EXOC5: variants seen among roughly 807,000 people sequenced by gnomAD.
EXOC5 encodes the protein SEC10-like 1.
A neutral mutation model predicts 90.8 loss-of-function variants in EXOC5; 17 were observed. The ratio of observed to expected loss-of-function variants is 0.19; its 90% CI spans 0.13 to 0.28. The LOEUF is 0.28. Ranked by LOEUF, EXOC5 falls within the 10% of genes least tolerant of loss-of-function variation. The probability of loss-of-function intolerance (pLI) is 1.00; values close to 1 mark genes in which losing one functional copy is unlikely to be tolerated. For synonymous variants in EXOC5, 260 were observed against 270.0 expected (o/e 0.96, Z 0.36); for missense variants, 569 against 830.6 (o/e 0.69, Z 3.87).
At chr14:57,223,680 T>A (rs1285985434) in intron 12 of EXOC5, among the ~76,000 whole-genome samples, 1 of 152,066 alleles carries the variant, frequency 6.6e-6, no homozygotes, top group African/African-American at 2.4e-5. Flanking sequence ...GGAAAATTGG[T>A]AAGGATATAG....
At chr14:57,234,108 T>C (rs1391062960) in intron 7 of EXOC5, 76 bp from the exon 8 acceptor site, 2 of 1,145,072 alleles carry the variant, frequency 1.7e-6, no homozygotes, top group Non-Finnish European at 2.6e-6. Flanking sequence ...AAGTGTTATA[T>C]GTCATAAAGC....
intron 7 of EXOC5, among the ~76,000 whole-genome samples, chr14:57,234,289 T>C (rs564051834): frequency 1.3e-5 from 2 of 151,952 alleles, no homozygotes; most frequent in African/African-American, 4.8e-5. Context: ...ACAAGAAAGA[T>C]GAAGTATGTA....
intron 6 of EXOC5, among the ~76,000 whole-genome samples, chr14:57,237,077 CACAT>C (rs1228655788): frequency 6.6e-6 from 1 of 151,902 alleles, no homozygotes; most frequent in Non-Finnish European, 1.5e-5. Context: ...TCTATACATA[CACAT>C]ACATATGTAC....
Position 57,246,775 on chromosome 14 carries a change from T to C in EXOC5, c.206A>G (p.Gln69Arg), listed in dbSNP as rs765911167. The change falls in exon 3 of 18, where the codon CAA (glutamine) becomes CGA (arginine). Residue 69 changes from glutamine (Q) to arginine (R), a missense_variant. Physicochemically the swap from Gln to Arg is conservative, Grantham distance 43 (BLOSUM62 1). Transcript: ENST00000621441. ...RIQRKVEKLE[Q>R]QCQKEAKEFA... ...TTCCTTGGCTTCTTTCTGACATTGT[T>C]GCTCTAGTTTCTCTACTTTCCTCTG... is the stretch of plus-strand genomic sequence containing the variant. 6.2e-7 allele frequency: 1 copy of C among 1,610,250 alleles called. No homozygotes were observed. Among genetic ancestry groups the C allele is most frequent in the Non-Finnish European group, 8.5e-7 (1 of 1,178,524 alleles).
intron 12 of EXOC5, among the ~76,000 whole-genome samples, chr14:57,227,643 C>T (rs919309692): frequency 6.6e-6 from 1 of 152,148 alleles, no homozygotes; most frequent in Admixed American, 6.5e-5. Context: ...CTTAATTTAT[C>T]CCAACCTAAT....
chr14:57,246,417 A>G (rs1340420556), intron 3 of EXOC5, among the ~76,000 whole-genome samples: 1 of 152,206 alleles, frequency 6.6e-6, no homozygotes, highest in Non-Finnish European at 1.5e-5. Flanking sequence ...GGGTCTACTG[A>G]AGTGTCATTC....
chr14:57,252,528 C>T (rs1486802655), intron 1 of EXOC5, among the ~76,000 whole-genome samples: 2 of 151,884 alleles, frequency 1.3e-5, no homozygotes, highest in African/African-American at 2.4e-5. Context: ...AACAAGTATA[C>T]GAAAAAATGC....
intron 3 of EXOC5, among the ~76,000 whole-genome samples, chr14:57,246,059 A>G (rs61535023): frequency 0.023 from 3,422 of 151,742 alleles, 127 homozygotes; most frequent in African/African-American, 0.075. Context: ...TAAAAAAAAA[A>G]GGGGGGAATC....
At position 57,222,425 on chromosome 14, in the gene EXOC5, C is replaced by CA. The variant is rs1942267816; in HGVS notation, c.1297-10dup. 1 of 1,503,512 alleles carries CA rather than the reference C, an allele frequency of 6.7e-7. No homozygotes were observed. The highest frequency in any genetic ancestry group is 1.2e-5 in the South Asian group (1 of 82,854). 93.1% of individuals were successfully genotyped at this position (1,503,512 alleles called of 1,614,324 possible). ...TCAGAAGGATCAGAGAGCTTAAAAA[C>CA]AAAAATCAAACAATATCACTCCTCA... On this transcript the variant is annotated splice_polypyrimidine_tract_variant and intron_variant, in intron 12 of 17. Coordinates refer to ENST00000621441, the MANE Select transcript of EXOC5 (RefSeq NM_006544.4).
Position 57,217,524 on chromosome 14 carries a change from T to A in EXOC5, c.1613+458A>T, listed in dbSNP as rs958799728. The stretch of plus-strand genomic sequence containing the variant: ...CTATTTTAATTGTTTTGGGGTACCA[T>A]ACCCATATAAGACAGTGAACCTAAT... On this transcript the variant is annotated intron_variant, in intron 15 of 17. Coordinates refer to ENST00000621441, the MANE Select transcript of EXOC5 (RefSeq NM_006544.4). 2.2e-4 allele frequency among the ~76,000 whole-genome samples: 34 copies of A among 152,292 alleles called. 1 individual carries two copies. The highest frequency in any genetic ancestry group is 8.2e-4 in the African/African-American group (34 of 41,576).
At position 57,268,642 on chromosome 14, in the gene EXOC5, T is replaced by C. The variant is rs1318427816; in HGVS notation, c.7A>G (p.Thr3Ala). Residue 3 changes from threonine (T) to alanine (A), a missense_variant, in exon 1 of 18, where the codon ACC (threonine) becomes GCC (alanine). By Grantham distance (58) the Thr-to-Ala change is moderately conservative. Around this residue, in one of 9 missense-constraint regions of EXOC5, gnomAD observed 22 missense variants for 16.6 expected, o/e 1.33. Transcript: ENST00000621441. ...CCCACCTCGAAGAGCTCGGCCGTGG[T>C]AGCCATCCCGGCCGGCTGAGAGGCT... Reference protein sequence around the residue: MATTAELFEEPFV... With the variant: MAATAELFEEPFV... The C allele has an allele frequency of 1.3e-6, 2 of 1,590,574 alleles. No homozygotes were observed. Among genetic ancestry groups the C allele is most frequent in the Non-Finnish European group, 8.5e-7 (1 of 1,174,802 alleles).
chr14:57,210,569 T>C (rs1053074074), intron 15 of EXOC5, among the ~76,000 whole-genome samples: 13 of 152,164 alleles, frequency 8.5e-5, no homozygotes, highest in Admixed American at 6.6e-5. Flanking sequence ...TTATAAAATA[T>C]TTTAATAGTT....
In EXOC5 at chr14:57,200,782, C is replaced by T. The variant is rs553699924; in HGVS notation, c.*7827G>A. ...TAAAAAAAAAAAAAAAAAACTTCCACCAAAAATATAGTTGTTTCTGCGTGA... is the reference window on the plus strand; with the variant it reads ...TAAAAAAAAAAAAAAAAAACTTCCATCAAAAATATAGTTGTTTCTGCGTGA... On this transcript the variant is annotated 3_prime_UTR_variant, in exon 18 of 18. Coordinates refer to ENST00000621441, the MANE Select transcript of EXOC5 (RefSeq NM_006544.4). The T allele has an allele frequency of 6.2e-4, 93 of 150,580 alleles. No individual in the cohort carries two copies. The highest frequency in any genetic ancestry group is 2.1e-3 in the African/African-American group (85 of 40,824). 9.3% of individuals were successfully genotyped at this position (150,580 alleles called of 1,614,324 possible). A position where few individuals can be genotyped will look rare whatever the true frequency, so the allele number is the denominator to read the frequency against.
chr14:57,260,515 AT>A (rs1184946445), intron 1 of EXOC5, among the ~76,000 whole-genome samples: 3 of 152,166 alleles, frequency 2.0e-5, no homozygotes, highest in African/African-American at 7.2e-5. Flanking sequence ...CTTACAAAAT[AT>A]TTTAGATTCT....
intron 7 of EXOC5, among the ~76,000 whole-genome samples, chr14:57,234,567 T>A (rs1414145643): frequency 6.7e-6 from 1 of 148,198 alleles, no homozygotes; most frequent in South Asian, 2.1e-4. Flanking sequence ...ATATATATAT[T>A]TCTTTTTTTT....
chr14:57,219,726 C>A (rs1182749572), intron 13 of EXOC5, among the ~76,000 whole-genome samples: 2 of 152,034 alleles, frequency 1.3e-5, no homozygotes, highest in African/African-American at 4.8e-5. Context: ...ATAACCAGGC[C>A]TCTTTATCTC....
rs1422206683 is a variant in EXOC5 at position 57,203,984 on chromosome 14, T to C, written c.*4625A>G. The C allele has an allele frequency of 6.6e-6, 1 of 152,588 alleles. No homozygotes were observed. The highest frequency in any genetic ancestry group is 2.4e-5 in the African/African-American group (1 of 41,448). 9.5% of individuals were successfully genotyped at this position (152,588 alleles called of 1,614,324 possible). ...AATCTATGCCTTCTGAATAAATGAC[T>C]TTCCTCTGAGGTTGACTGCTATGTG... On this transcript the variant is annotated 3_prime_UTR_variant, in exon 18 of 18. Coordinates refer to ENST00000621441, the MANE Select transcript of EXOC5 (RefSeq NM_006544.4).
chr14:57,230,097 T>C (rs1416144917), intron 11 of EXOC5, among the ~76,000 whole-genome samples: 1 of 152,162 alleles, frequency 6.6e-6, no homozygotes, highest in Admixed American at 6.5e-5. Flanking sequence ...GGACTTCTAA[T>C]TTCTGAAGTT....
In EXOC5 at chr14:57,205,734, G is replaced by A. The variant is rs762055848; in HGVS notation, c.*2875C>T. 7 of 383,216 alleles carry A rather than the reference G, an allele frequency of 1.8e-5. No individual in the cohort carries two copies. Among genetic ancestry groups the A allele is most frequent in the Non-Finnish European group, 3.5e-5 (7 of 200,128 alleles). 23.7% of individuals were successfully genotyped at this position (383,216 alleles called of 1,614,324 possible). A position where few individuals can be genotyped will look rare whatever the true frequency, so the allele number is the denominator to read the frequency against. Reference sequence around the variant, plus strand: ...TAGTATTTAGAAAGCAAAATATTTAGAAGTGAAAGAGGGGGGAAAAAAGAA... The same window carrying A: ...TAGTATTTAGAAAGCAAAATATTTAAAAGTGAAAGAGGGGGGAAAAAAGAA... On this transcript the variant is annotated 3_prime_UTR_variant, in exon 18 of 18. Transcript: ENST00000621441.
Sources: allele counts gnomAD v4.1 joint callset (sites outside exome capture counted in the v4.1 genomes callset), GRCh38; gene constraint gnomAD v4.1.1; regional missense constraint gnomAD v4.1.1; transcripts MANE v1.5; gene names NCBI Gene and HGNC (gene_info 2026-07-23, HGNC 2026-07-21).